ATRNL1: variants seen among roughly 807,000 people sequenced by gnomAD.
ATRNL1 encodes the protein attractin like 1.
A neutral mutation model predicts 182.7 loss-of-function variants in ATRNL1; 95 were observed. The ratio of observed to expected loss-of-function variants is 0.52; its 90% confidence interval spans 0.44 to 0.62. The LOEUF (loss-of-function observed/expected upper bound fraction) is 0.62. ATRNL1 is among the 20% of genes least tolerant of loss of function. The probability of loss-of-function intolerance (pLI) is 0.00; values close to 1 mark genes in which losing one functional copy is unlikely to be tolerated. For missense variants in ATRNL1, 1,471 were observed against 1,679.5 expected (o/e 0.88, Z 2.17); for synonymous variants, 576 against 568.3 (o/e 1.01, Z -0.19).
intron 26 of ATRNL1, among the ~76,000 whole-genome samples, chr10:115,659,753 G>A (rs1177750930): frequency 6.6e-6 from 1 of 152,048 alleles, no homozygotes; most frequent in Non-Finnish European, 1.5e-5. Flanking sequence ...GCTGAGACCA[G>A]AAAAGTGAGT....
At chr10:115,556,675 C>T in intron 26 of ATRNL1, among the ~76,000 whole-genome samples, 1 of 152,024 alleles carries the variant, frequency 6.6e-6, no homozygotes, top group East Asian at 1.9e-4. Flanking sequence ...GGGGTTACCC[C>T]ACTGCATTTT....
At chr10:115,139,102 C>T (rs904541764) in intron 5 of ATRNL1, among the ~76,000 whole-genome samples, 1 of 152,186 alleles carries the variant, frequency 6.6e-6, no homozygotes, top group African/African-American at 2.4e-5. Context: ...CCAACAAGTT[C>T]CTCCTCATCT....
chr10:115,851,279 A>G (rs1412739457), intron 28 of ATRNL1, among the ~76,000 whole-genome samples: 2 of 152,202 alleles, frequency 1.3e-5, no homozygotes, highest in Non-Finnish European at 2.9e-5. Flanking sequence ...TCTCTCACAC[A>G]GTGAATTTCA....
At chr10:115,650,522 C>G (rs1555034055) in intron 26 of ATRNL1, among the ~76,000 whole-genome samples, 1 of 151,902 alleles carries the variant, frequency 6.6e-6, no homozygotes, top group Non-Finnish European at 1.5e-5. Flanking sequence ...AATGGTAAAG[C>G]AAAACAAATA....
At position 115,855,821 on chromosome 10, in the gene ATRNL1, A is replaced by C. The variant is rs114572937; in HGVS notation, c.4018+7830A>C. On this transcript the variant is annotated intron_variant, in intron 28 of 28. Transcript: ENST00000355044. ...TGTTTAGCTTTAAGTTTCAATGAACATGAGAATATTAGTGAAAGATGACAC... is the reference window on the plus strand; with the variant it reads ...TGTTTAGCTTTAAGTTTCAATGAACCTGAGAATATTAGTGAAAGATGACAC... Among the ~76,000 whole-genome samples, 819 of 152,326 alleles carry C rather than the reference A, an allele frequency of 5.4e-3. 7 individuals carry two copies. Among genetic ancestry groups the C allele is most frequent in the African/African-American group, 0.019 (770 of 41,578 alleles).
intron 26 of ATRNL1, among the ~76,000 whole-genome samples, chr10:115,722,628 CTTTA>C (rs1947464996): frequency 6.6e-6 from 1 of 152,064 alleles, no homozygotes; most frequent in African/African-American, 2.4e-5. Flanking sequence ...TCTTCAGAGG[CTTTA>C]TTTTAGTTTG....
intron 26 of ATRNL1, among the ~76,000 whole-genome samples, chr10:115,564,475 G>A (rs1185324834): frequency 3.3e-5 from 5 of 151,804 alleles, no homozygotes; most frequent in African/African-American, 9.7e-5. Context: ...TTTAATAGAT[G>A]TATGTTTTTC....
chr10:115,661,887 C>G (rs1860711699), intron 26 of ATRNL1, among the ~76,000 whole-genome samples: 1 of 151,888 alleles, frequency 6.6e-6, no homozygotes, highest in African/African-American at 2.4e-5. Context: ...CGTTATTTAA[C>G]ACGAGGTATA....
At chr10:115,778,216 T>G (rs1184604974) in intron 27 of ATRNL1, among the ~76,000 whole-genome samples, 1 of 152,136 alleles carries the variant, frequency 6.6e-6, no homozygotes, top group East Asian at 1.9e-4. Context: ...TTACTATGAA[T>G]GAAATTTGGC....
In ATRNL1 at chr10:115,944,089, G is replaced by T. The variant is rs573058367; in HGVS notation, c.4019-569G>T. On this transcript the variant is annotated intron_variant, in intron 28 of 28. Transcript: ENST00000355044. ...TATTTTAGGGCAGTGAAACTATTTTGTATGATACTGTAATGGTGGATACCC... is the reference window on the plus strand; with the variant it reads ...TATTTTAGGGCAGTGAAACTATTTTTTATGATACTGTAATGGTGGATACCC... Among the ~76,000 whole-genome samples, 5 of 151,784 alleles carry T rather than the reference G, an allele frequency of 3.3e-5. No individual in the cohort carries two copies. In the East Asian group the frequency reaches 9.7e-4, roughly 29 times the overall value.
chr10:115,253,465 T>G (rs1203379660), intron 10 of ATRNL1, among the ~76,000 whole-genome samples: 3 of 148,174 alleles, frequency 2.0e-5, no homozygotes, highest in Non-Finnish European at 4.4e-5. Context: ...AGACAACAAG[T>G]TTTTTTTTGA....
chr10:115,880,621 C>T (rs1347808266), intron 28 of ATRNL1, among the ~76,000 whole-genome samples: 2 of 152,060 alleles, frequency 1.3e-5, no homozygotes, highest in African/African-American at 4.8e-5. Flanking sequence ...GAGACTCCAT[C>T]TCAAAGACAA....
intron 26 of ATRNL1, among the ~76,000 whole-genome samples, chr10:115,621,648 G>A (rs1857778275): frequency 6.6e-6 from 1 of 152,006 alleles, no homozygotes; most frequent in Non-Finnish European, 1.5e-5. Flanking sequence ...TTAAAAATGT[G>A]TACAAGAATG....
intron 21 of ATRNL1, among the ~76,000 whole-genome samples, chr10:115,440,801 G>A (rs1846634252): frequency 6.6e-6 from 1 of 151,762 alleles, no homozygotes; most frequent in African/African-American, 2.4e-5. Flanking sequence ...TAGCTGTGTT[G>A]ACTGTTTGGT....
intron 27 of ATRNL1, among the ~76,000 whole-genome samples, chr10:115,825,372 A>G (rs1237134142): frequency 6.6e-6 from 1 of 152,158 alleles, no homozygotes; most frequent in African/African-American, 2.4e-5. Flanking sequence ...TGACACGTAT[A>G]TACCTATGAA....
chr10:115,122,149 C>G (rs1844765999), intron 3 of ATRNL1, among the ~76,000 whole-genome samples: 1 of 151,644 alleles, frequency 6.6e-6, no homozygotes, highest in African/African-American at 2.4e-5. Flanking sequence ...AATAAATAGA[C>G]AAGTTTTGTT....
chr10:115,472,885 AAGT>A (rs1848369239), intron 24 of ATRNL1, among the ~76,000 whole-genome samples: 1 of 151,074 alleles, frequency 6.6e-6, no homozygotes, highest in African/African-American at 2.4e-5. Context: ...TGTTGAATAG[AAGT>A]AGTGAAACTG....
chr10:115,661,923 C>T (rs1555037981), intron 26 of ATRNL1, among the ~76,000 whole-genome samples: 1 of 122,868 alleles, frequency 8.1e-6, no homozygotes, highest in East Asian at 3.0e-4. Flanking sequence ...CCTCCCCCCT[C>T]CCCCCTCCTC....
chr10:115,428,013 T>C (rs1845982767), intron 21 of ATRNL1, among the ~76,000 whole-genome samples: 1 of 152,010 alleles, frequency 6.6e-6, no homozygotes, highest in Non-Finnish European at 1.5e-5. Context: ...TTGGGGAGAA[T>C]TGGCATGTTA....
Sources: allele counts gnomAD v4.1 joint callset (sites outside exome capture counted in the v4.1 genomes callset), GRCh38; gene constraint gnomAD v4.1.1; transcripts MANE v1.5; gene names NCBI Gene and HGNC (gene_info 2026-07-23, HGNC 2026-07-21).